Variants in SS18L1 observed in about 807,000 individuals in gnomAD.
The protein encoded by SS18L1 is calcium-responsive transactivator.
A neutral mutation model predicts 70.3 loss-of-function variants in SS18L1; 32 were observed. The ratio of observed to expected loss-of-function variants is 0.46; its 90% CI spans 0.34 to 0.61. SS18L1 has a LOEUF of 0.61. Among genes scored for constraint, SS18L1 ranks in the 20% least tolerant of loss-of-function variants. The pLI, the probability that SS18L1 is intolerant of heterozygous loss-of-function variation, is 0.01. For missense variants in SS18L1, 430 were observed against 542.1 expected (o/e 0.79, Z 2.05); for synonymous variants, 237 against 229.7 (o/e 1.03, Z -0.29).
At chr20:62,170,178 C>T (rs1478271307) in intron 8 of SS18L1, among the ~76,000 whole-genome samples, 5 of 152,218 alleles carry the variant, frequency 3.3e-5, no homozygotes, top group Admixed American at 2.6e-4. Context: ...GGCACCTTCT[C>T]ACGGGCACCC....
At chr20:62,155,087 A>G (rs1373264337) in intron 1 of SS18L1, among the ~76,000 whole-genome samples, 1 of 152,164 alleles carries the variant, frequency 6.6e-6, no homozygotes, top group Non-Finnish European at 1.5e-5. Context: ...GGATATTAAT[A>G]ATAGGTTTTG....
At chr20:62,153,565 G>A (rs1341184948) in intron 1 of SS18L1, among the ~76,000 whole-genome samples, 1 of 152,076 alleles carries the variant, frequency 6.6e-6, no homozygotes, top group Non-Finnish European at 1.5e-5. Context: ...ATCTGCCTCT[G>A]CTGTTGACGT....
At chr20:62,147,951 A>G (rs1391577139) in intron 1 of SS18L1, among the ~76,000 whole-genome samples, 1 of 152,180 alleles carries the variant, frequency 6.6e-6, no homozygotes, top group East Asian at 1.9e-4. Flanking sequence ...CTCCCTCAGA[A>G]GTGGAACTTG....
At chr20:62,145,671 G>T (rs983456254) in intron 1 of SS18L1, among the ~76,000 whole-genome samples, 29 of 152,210 alleles carry the variant, frequency 1.9e-4, no homozygotes, top group Non-Finnish European at 3.2e-4. Context: ...TGGACCGTGG[G>T]TCCCTGGGCA....
At chr20:62,160,748 G>A (rs754709577) in intron 3 of SS18L1, among the ~76,000 whole-genome samples, 46 of 152,058 alleles carry the variant, frequency 3.0e-4, no homozygotes, top group Non-Finnish European at 5.4e-4. Flanking sequence ...TGTGTCTTGC[G>A]AGTAAAAATG....
chr20:62,163,288 C>T lies in SS18L1; in HGVS notation c.557-170C>T, dbSNP rs73309161. ...AAGCAGCGGGTCTGAGCTTGCAGGG[C>T]GTCAGTGCAGGCCACGTAGGGGAGG... On this transcript the variant is annotated intron_variant, in intron 5 of 10. Coordinates refer to ENST00000331758, the MANE Select transcript of SS18L1 (RefSeq NM_198935.3). 0.11 allele frequency among the ~76,000 whole-genome samples: 16,681 copies of T among 152,038 alleles called. 1,675 individuals carry two copies. Among genetic ancestry groups the T allele is most frequent in the African/African-American group, 0.26 (10,928 of 41,412 alleles).
rs145888791 is a variant in SS18L1, at chr20:62,163,559, G to A, written c.658G>A (p.Gly220Ser). 3.7e-4 allele frequency: 603 copies of A among 1,610,418 alleles called. 1 individual carries two copies. The highest frequency in any genetic ancestry group is 4.9e-4 in the Non-Finnish European group (580 of 1,179,616). Reference protein sequence around the residue: ...GQSSIAMMGQGSQGSSMMGQR... With the variant: ...GQSSIAMMGQSSQGSSMMGQR... ...GTCGTCCATCGCCATGATGGGGCAGGGCAGCCAGGGGAGCAGCATGATGGG... is the reference window on the plus strand; with the variant it reads ...GTCGTCCATCGCCATGATGGGGCAGAGCAGCCAGGGGAGCAGCATGATGGG... Residue 220 changes from glycine to serine, a missense_variant, in exon 6 of 11, where the codon GGC becomes AGC. By Grantham distance (56) the Gly-to-Ser change is moderately conservative. Coordinates refer to ENST00000331758, the MANE Select transcript of SS18L1 (RefSeq NM_198935.3).
rs182416184 is a variant in SS18L1 at position 62,173,703 on chromosome 20, T to A, written c.1037-814T>A. 2.1e-3 allele frequency among the ~76,000 whole-genome samples: 313 copies of A among 151,630 alleles called. 2 individuals carry two copies. Among genetic ancestry groups the A allele is most frequent in the Non-Finnish European group, 3.4e-3 (229 of 67,942 alleles). ...AGCCTAGGCGATAGAGTGAGACGAC[T>A]CCTCAAAAAATAAAAAAATAAATTA... On this transcript the variant is annotated intron_variant, in intron 9 of 10. Coordinates refer to ENST00000331758, the MANE Select transcript of SS18L1 (RefSeq NM_198935.3).
Position 62,179,796 on chromosome 20 carries a change from G to A in SS18L1, c.*588G>A, listed in dbSNP as rs554202241. ...AAGGATAAACATCTCCCACGGGAGA[G>A]GCCACAGATGGCCACTTCCAGAGCT... On this transcript the variant is annotated 3_prime_UTR_variant, in exon 11 of 11. Transcript: ENST00000331758. 10 of 230,028 alleles carry A rather than the reference G, an allele frequency of 4.3e-5. No homozygotes were observed. The highest frequency in any genetic ancestry group is 2.2e-4 in the African/African-American group (10 of 45,204). 14.2% of individuals were successfully genotyped at this position (230,028 alleles called of 1,614,324 possible).
At position 62,161,549 on chromosome 20, in the gene SS18L1, C is replaced by G. The variant is rs147321701; in HGVS notation, c.345C>G (p.Pro115=). 1.9e-6 allele frequency: 3 copies of G among 1,611,386 alleles called. No homozygotes were observed. The highest frequency in any genetic ancestry group is 2.7e-5 in the African/African-American group (2 of 74,902). ...LSDAISTGLP[P]SSLLQGQIGN... is the part of the protein sequence containing the mutation. ...ACGCCATCAGCACGGGCCTGCCACCCTCCTCCCTCCTGCAGGGCCAGATTG... is the reference window on the plus strand; with the variant it reads ...ACGCCATCAGCACGGGCCTGCCACCGTCCTCCCTCCTGCAGGGCCAGATTG... Residue 115 remains proline (P), a synonymous_variant, in exon 4 of 11, where the codon CCC becomes CCG. Transcript: ENST00000331758. The surrounding 1 kb of genome is among the most constrained non-coding windows in gnomAD (Gnocchi z 4.4).
At chr20:62,153,384 G>A (rs765366029) in intron 1 of SS18L1, among the ~76,000 whole-genome samples, 18 of 152,048 alleles carry the variant, frequency 1.2e-4, no homozygotes, top group African/African-American at 2.2e-4. Context: ...TCCCAGAGGC[G>A]CTGTCTTGCC....
chr20:62,154,421 A>AGTCTCCCT (rs1409718053), intron 1 of SS18L1: 1 of 1,042,382 alleles, frequency 9.6e-7, no homozygotes, highest in Non-Finnish European at 1.2e-6. Flanking sequence ...TCTACGCAGA[A>AGTCTCCCT]GTCTCCCTCA....
intron 7 of SS18L1, 84 bp downstream of exon 7, chr20:62,164,330 TG>T (rs1268730273): frequency 4.1e-5 from 54 of 1,319,756 alleles, no homozygotes; most frequent in Non-Finnish European, 5.6e-5. Context: ...AAGGAGGGTG[TG>T]GCCACTGCAG....
In SS18L1 at chr20:62,172,954, G is replaced by A. The variant is rs555376447; in HGVS notation, c.1036+153G>A. ...AGCACGCTCCTCGGGGCCCCCCAGC[G>A]CCCACCCCTGCCCCTGCCACATGTG... is the stretch of plus-strand genomic sequence containing the variant. On this transcript the variant is annotated intron_variant, in intron 9 of 10. Transcript: ENST00000331758. 3.5e-4 allele frequency among the ~76,000 whole-genome samples: 53 copies of A among 152,252 alleles called. 1 individual carries two copies. The South Asian group carries it at 4.4e-3, about 13-fold the overall frequency.
intron 1 of SS18L1, among the ~76,000 whole-genome samples, chr20:62,157,987 C>T (rs2057253672): frequency 6.6e-6 from 1 of 152,206 alleles, no homozygotes; most frequent in South Asian, 2.1e-4. Context: ...GTCTCGATGC[C>T]CTTACCACCT....
Position 62,179,254 on chromosome 20 carries a change from AG to A in SS18L1, c.*50del. 1 of 1,611,914 alleles carries A rather than the reference AG, an allele frequency of 6.2e-7. No homozygotes were observed. On this transcript the variant is annotated 3_prime_UTR_variant, in exon 11 of 11. Coordinates refer to ENST00000331758, the MANE Select transcript of SS18L1 (RefSeq NM_198935.3). ...AGCCCTTGTGGTAGCGTGTTCATCCAGGGGCCGGATGGGCTGGCGGCAGCTC... is the reference window on the plus strand; with the variant it reads ...AGCCCTTGTGGTAGCGTGTTCATCCAGGGCCGGATGGGCTGGCGGCAGCTC...
In SS18L1 at chr20:62,159,865, C is replaced by A. The variant is rs764725708; in HGVS notation, c.147-12C>A. ...CCGTCGTCCTGCCTCATGCGTGCCC[C>A]CTCTCCTGCAGGTACCAGCAGATCC... is the stretch of plus-strand genomic sequence containing the variant. On this transcript the variant is annotated splice_polypyrimidine_tract_variant and intron_variant, in intron 2 of 10. Coordinates refer to ENST00000331758, the MANE Select transcript of SS18L1 (RefSeq NM_198935.3). This position sits in a 1 kb window ranked among gnomAD's most constrained non-coding sequence, Gnocchi z 4.4. 9.9e-6 allele frequency: 16 copies of A among 1,611,688 alleles called. No homozygotes were observed. The highest frequency in any genetic ancestry group is 1.4e-5 in the Non-Finnish European group (16 of 1,179,584).
At chr20:62,149,852 A>G (rs2427258) in intron 1 of SS18L1, among the ~76,000 whole-genome samples, 33,820 of 152,212 alleles carry the variant, frequency 0.22, 8,640 homozygotes, top group African/African-American at 0.63. Context: ...AGAAAGAAAA[A>G]GCAGTGTCAG....
At chr20:62,160,054 A>G in intron 3 of SS18L1, 93 bp downstream of exon 3, 1 of 1,329,502 alleles carries the variant, frequency 7.5e-7, no homozygotes, top group Non-Finnish European at 1.0e-6. Flanking sequence ...TCAGGTAGCA[A>G]AGATGACTCA....
Sources: allele counts gnomAD v4.1 joint callset (sites outside exome capture counted in the v4.1 genomes callset), GRCh38; gene constraint gnomAD v4.1.1; non-coding constraint Gnocchi (gnomAD v3.1); transcripts MANE v1.5; gene names NCBI Gene and HGNC (gene_info 2026-07-23, HGNC 2026-07-21).